CFAP61: variants seen among roughly 807,000 people sequenced by gnomAD.
The protein encoded by CFAP61 is cilia and flagella associated protein 61.
A neutral mutation model predicts 135.6 loss-of-function variants in CFAP61; 107 were observed. That is an observed-to-expected ratio of 0.79 (90% CI 0.67 to 0.93). CFAP61 has a LOEUF of 0.93. CFAP61 is among the 40% of genes least tolerant of loss of function. The pLI is 0.00. For synonymous variants in CFAP61, 575 were observed against 578.5 expected (o/e 0.99, Z 0.09); for missense variants, 1,507 against 1,556.2 (o/e 0.97, Z 0.53).
intron 8 of CFAP61, among the ~76,000 whole-genome samples, chr20:20,105,492 C>A (rs150689790): frequency 1.3e-5 from 2 of 152,242 alleles, no homozygotes; most frequent in South Asian, 4.1e-4. Flanking sequence ...TCTCCTAGAT[C>A]CTGTGGTGTG....
chr20:20,141,749 A>G (rs1369823029), intron 8 of CFAP61, among the ~76,000 whole-genome samples: 1 of 152,234 alleles, frequency 6.6e-6, no homozygotes, highest in Non-Finnish European at 1.5e-5. Flanking sequence ...TGTAACTGGC[A>G]CTAGAAGAAT....
Position 20,341,872 on chromosome 20 carries a change from GT to G in CFAP61, c.3468del (p.Phe1156LeufsTer12). Reference sequence around the variant, plus strand: ...TGGTGCCTGGCCCTGTTCCACGATCGTTTTATTGATCTCAGGAAAGAGTTAC... The same window carrying G: ...TGGTGCCTGGCCCTGTTCCACGATCGTTTATTGATCTCAGGAAAGAGTTAC... Reference protein sequence around the residue: ...EPWCLALFHDRFIDLRKELRQ... With the variant: ...EPWCLALFHDXFIDLRKELRQ... On this transcript the variant is annotated frameshift_variant, in exon 26 of 27. Coordinates refer to ENST00000245957, the MANE Select transcript of CFAP61 (RefSeq NM_015585.4). LOFTEE classifies it high-confidence loss of function. The G allele has an allele frequency of 6.2e-7, 1 of 1,613,616 alleles. No individual in the cohort carries two copies. Among genetic ancestry groups the G allele is most frequent in the Middle Eastern group, 1.7e-4 (1 of 5,754 alleles).
intron 24 of CFAP61, among the ~76,000 whole-genome samples, chr20:20,296,330 T>TCCTTCCTTCCTTCCCTCCTTCCTTC (rs1438602255): frequency 0.19 from 7,305 of 39,166 alleles, 1,088 homozygotes; most frequent in East Asian, 0.27. Context: ...TTCCTTCCCT[T>TCCTTCCTTCCTTCCCTCCTTCCTTC]CCTTCCTTCC....
intron 8 of CFAP61, among the ~76,000 whole-genome samples, chr20:20,140,095 C>T (rs1351917057): frequency 2.2e-5 from 3 of 135,956 alleles, no homozygotes; most frequent in South Asian, 2.4e-4. Context: ...ATTGACTGGA[C>T]GGGGAGATGA....
At chr20:20,309,746 G>T (rs116166276) in intron 25 of CFAP61, among the ~76,000 whole-genome samples, 1 of 152,058 alleles carries the variant, frequency 6.6e-6, no homozygotes, top group Non-Finnish European at 1.5e-5. Context: ...GAATAATTTT[G>T]CTCTCTGATA....
intron 23 of CFAP61, 99 bp from the exon 24 acceptor site, chr20:20,290,201 C>A: frequency 1.3e-6 from 1 of 782,560 alleles, no homozygotes; most frequent in Non-Finnish European, 2.3e-6. Context: ...GGAGCATACG[C>A]CACTGCAGGC....
At chr20:20,140,812 C>G (rs1287099562) in intron 8 of CFAP61, among the ~76,000 whole-genome samples, 1 of 152,042 alleles carries the variant, frequency 6.6e-6, no homozygotes, top group Admixed American at 6.6e-5. Context: ...TGGAACCAAC[C>G]CAAATGTCCA....
chr20:20,315,612 C>T (rs1284827174), intron 25 of CFAP61, among the ~76,000 whole-genome samples: 2 of 151,554 alleles, frequency 1.3e-5, no homozygotes, highest in Non-Finnish European at 3.0e-5. Context: ...AGTCCTTGCC[C>T]ATGCCTATGT....
intron 13 of CFAP61, among the ~76,000 whole-genome samples, chr20:20,175,493 TGTTTTGTTTTGTTTTGTTTTG>T (rs2054550986): frequency 3.9e-4 from 1 of 2,582 alleles, no homozygotes; most frequent in Non-Finnish European, 1.1e-3. Flanking sequence ...TTTTTGTTTT[TGTTTTGTTTTGTTTTGTTTTG>T]TTTTGTTTTG....
chr20:20,269,175 G>GTA (rs1569219455), intron 21 of CFAP61, among the ~76,000 whole-genome samples: 3,023 of 58,592 alleles, frequency 0.052, 230 homozygotes, highest in Non-Finnish European at 0.081. Context: ...ATACATATAT[G>GTA]TATATACACA....
intron 16 of CFAP61, among the ~76,000 whole-genome samples, chr20:20,197,558 A>T (rs1028079421): frequency 5.9e-5 from 9 of 151,546 alleles, no homozygotes; most frequent in African/African-American, 1.7e-4. Flanking sequence ...CACCCCACAC[A>T]CTCTCATGCA....
At chr20:20,303,598 T>G (rs1228382500) in intron 25 of CFAP61, among the ~76,000 whole-genome samples, 2 of 152,120 alleles carry the variant, frequency 1.3e-5, no homozygotes, top group Non-Finnish European at 2.9e-5. Flanking sequence ...GCGCCAGCAC[T>G]CCTGCCCTGT....
chr20:20,249,558 A>G (rs931939451), intron 19 of CFAP61, among the ~76,000 whole-genome samples: 3 of 152,178 alleles, frequency 2.0e-5, no homozygotes, highest in Admixed American at 6.5e-5. Context: ...AAATCATTCA[A>G]TGTAGTAACA....
intron 25 of CFAP61, among the ~76,000 whole-genome samples, chr20:20,333,755 T>C (rs1192123585): frequency 6.6e-6 from 1 of 152,186 alleles, no homozygotes; most frequent in Admixed American, 6.5e-5. Context: ...AGACTCTGGT[T>C]GCAAGGGTGG....
chr20:20,194,700 T>G (rs4814961), intron 15 of CFAP61, among the ~76,000 whole-genome samples: 17,851 of 152,086 alleles, frequency 0.12, 1,801 homozygotes, highest in East Asian at 0.56. Flanking sequence ...CCGCCCCTCT[T>G]TTTGATTGGG....
At chr20:20,157,638 A>T (rs945553994) in intron 9 of CFAP61, among the ~76,000 whole-genome samples, 5 of 152,232 alleles carry the variant, frequency 3.3e-5, no homozygotes, top group African/African-American at 1.2e-4. Flanking sequence ...ATAGACTTGA[A>T]TGTAGAATTC....
chr20:20,120,810 C>T (rs1318801119), intron 8 of CFAP61, among the ~76,000 whole-genome samples: 1 of 152,102 alleles, frequency 6.6e-6, no homozygotes, highest in Non-Finnish European at 1.5e-5. Context: ...CTCGAATACT[C>T]TAGTGTTGAG....
chr20:20,132,521 C>G (rs1229732718), intron 8 of CFAP61, among the ~76,000 whole-genome samples: 1 of 152,018 alleles, frequency 6.6e-6, no homozygotes, highest in Non-Finnish European at 1.5e-5. Context: ...CTGTATAAAT[C>G]AGTCATATTT....
chr20:20,201,956 G>A (rs1364260121), intron 17 of CFAP61, among the ~76,000 whole-genome samples: 2 of 152,128 alleles, frequency 1.3e-5, no homozygotes, highest in Non-Finnish European at 2.9e-5. Flanking sequence ...ATATGAAGCA[G>A]TTCCACACCT....
Sources: gnomAD v4.1 joint callset for allele counts (sites outside exome capture counted in the v4.1 genomes callset) on GRCh38, gnomAD v4.1.1 for gene constraint, MANE v1.5 for transcripts, NCBI Gene and HGNC (gene_info 2026-07-23, HGNC 2026-07-21) for gene names.